Variants in ADAMTSL2 observed in about 807,000 individuals in gnomAD.
ADAMTSL2 encodes ADAMTS-like protein 2.
A neutral mutation model predicts 117.0 loss-of-function variants in ADAMTSL2; 55 were observed. That is an observed-to-expected ratio of 0.47 (90% CI 0.38 to 0.59). ADAMTSL2 has a LOEUF of 0.59. Ranked by LOEUF, ADAMTSL2 falls within the 20% of genes least tolerant of loss-of-function variation. The pLI is 0.00. For synonymous variants in ADAMTSL2, 572 were observed against 566.4 expected (o/e 1.01, Z -0.14); for missense variants, 1,182 against 1,354.5 (o/e 0.87, Z 2.00).
intron 7 of ADAMTSL2, 86 bp downstream of exon 7, chr9:133,541,087 T>C: frequency 6.5e-7 from 1 of 1,542,610 alleles, no homozygotes; most frequent in Non-Finnish European, 8.8e-7. Context: ...CAGCCTCCTG[T>C]GTACCACTGG....
Position 133,547,198 on chromosome 9 carries a change from G to A in ADAMTSL2, c.924G>A (p.Gln308=). ...EYIVAQGPTN[Q]GLNVMVWNQN... ...TCGTGGCACAGGGGCCCACCAACCA[G>A]GGCCTGAATGTCATGGTACGTGTGC... is the stretch of plus-strand genomic sequence containing the variant. The change falls in exon 9 of 19, where the codon CAG becomes CAA. Residue 308 remains glutamine, a synonymous_variant. Coordinates refer to ENST00000651351, the MANE Select transcript of ADAMTSL2 (RefSeq NM_014694.4). 1 of 1,613,554 alleles carries A rather than the reference G, an allele frequency of 6.2e-7. No homozygotes were observed. Among genetic ancestry groups the A allele is most frequent in the Non-Finnish European group, 8.5e-7 (1 of 1,179,620 alleles).
At chr9:133,535,994 C>A (rs548823543) in intron 1 of ADAMTSL2, among the ~76,000 whole-genome samples, 8 of 152,328 alleles carry the variant, frequency 5.3e-5, no homozygotes, top group African/African-American at 1.9e-4. Context: ...GACATGCTGG[C>A]ACAAACTGCA....
rs1265624598 is a variant in ADAMTSL2, at chr9:133,540,662, G to T, written c.477G>T (p.Arg159=). 6.2e-7 allele frequency: 1 copy of T among 1,613,760 alleles called. No homozygotes were observed. Among genetic ancestry groups the T allele is most frequent in the Non-Finnish European group, 8.5e-7 (1 of 1,180,044 alleles). The stretch of plus-strand genomic sequence containing the variant: ...ACTGTACCACCGTGGACGGCCAGCG[G>T]CAGCTCATGGTCCCCGCCCGCGACG... The part of the protein sequence containing the change: ...DLHCTTVDGQ[R]QLMVPARDGT... The change falls in exon 6 of 19, where the codon CGG becomes CGT. Residue 159 remains arginine (R), a synonymous_variant. Coordinates refer to ENST00000651351, the MANE Select transcript of ADAMTSL2 (RefSeq NM_014694.4).
upstream of ADAMTSL2, chr9:133,534,591 A>C: frequency 8.5e-7 from 1 of 1,174,438 alleles, no homozygotes; most frequent in South Asian, 3.0e-5. Flanking sequence ...AGAGCGGGTT[A>C]AAGTGTGCGC....
In ADAMTSL2 at chr9:133,540,996, A is replaced by T. The variant is rs759743302; in HGVS notation, c.677A>T (p.His226Leu). Reference protein sequence around the residue: ...VTGNYRKGNAHLGYSLVTHIP... With the variant: ...VTGNYRKGNALLGYSLVTHIP... ...GGCAACTATCGCAAGGGGAATGCCCACCTTGGTAAGCCACAGCGCGCCCTG... is the reference window on the plus strand; with the variant it reads ...GGCAACTATCGCAAGGGGAATGCCCTCCTTGGTAAGCCACAGCGCGCCCTG... The change falls in exon 7 of 19, where the codon CAC becomes CTC. Residue 226 changes from histidine (H) to leucine (L), a missense_variant. By Grantham distance (99) the His-to-Leu change is moderately conservative. This residue lies in a region of ADAMTSL2 where 372 missense variants were observed against 463.4 expected (regional missense o/e 0.80). Coordinates refer to ENST00000651351, the MANE Select transcript of ADAMTSL2 (RefSeq NM_014694.4). 6.2e-7 allele frequency: 1 copy of T among 1,613,130 alleles called. No individual in the cohort carries two copies. Among genetic ancestry groups the T allele is most frequent in the South Asian group, 1.1e-5 (1 of 91,054 alleles).
chr9:133,538,885 C>T (rs146874271), intron 4 of ADAMTSL2, among the ~76,000 whole-genome samples: 9 of 152,266 alleles, frequency 5.9e-5, no homozygotes, highest in South Asian at 2.1e-4. Context: ...CTTGGGTAGC[C>T]GAGGCTGAAG....
chr9:133,549,528 C>T (rs1369478922), intron 9 of ADAMTSL2, among the ~76,000 whole-genome samples: 1 of 141,370 alleles, frequency 7.1e-6, no homozygotes, highest in East Asian at 2.0e-4. Context: ...GGTCAAACAA[C>T]GCCTTTCCTA....
At chr9:133,540,513 G>C in intron 5 of ADAMTSL2, 85 bp from the exon 6 acceptor site, 1 of 1,544,240 alleles carries the variant, frequency 6.5e-7, no homozygotes, top group Non-Finnish European at 8.8e-7. Context: ...AATGGGAGCT[G>C]TCTCAGAGGG....
chr9:133,539,685 T>TGTCCCGGCTGTCCCGGCG, intron 4 of ADAMTSL2, 86 bp from the exon 5 acceptor site: 1 of 1,344,020 alleles, frequency 7.4e-7, no homozygotes, highest in Non-Finnish European at 1.0e-6. Context: ...CTGTCCCGGC[T>TGTCCCGGCTGTCCCGGCG]GCAGCCACTT....
chr9:133,569,473 G>T lies in ADAMTSL2; in HGVS notation c.2310G>T (p.Arg770=). ...TGTACTGCAAGACCAGCGACGGACG[G>T]GTAGTACCTGAGTCCCAGTGCCAGA... ...RHVYCKTSDG[R]VVPESQCQME... Residue 770 remains arginine (R), a synonymous_variant, in exon 16 of 19, where the codon CGG becomes CGT. Coordinates refer to ENST00000651351, the MANE Select transcript of ADAMTSL2 (RefSeq NM_014694.4). 6.8e-6 allele frequency: 11 copies of T among 1,613,606 alleles called. No homozygotes were observed. Among genetic ancestry groups the T allele is most frequent in the Non-Finnish European group, 9.3e-6 (11 of 1,179,990 alleles).
In ADAMTSL2 at chr9:133,555,643, G is replaced by A. The variant is rs1223182744; in HGVS notation, c.1362G>A (p.Ser454=). The A allele has an allele frequency of 1.4e-5, 22 of 1,613,666 alleles. No homozygotes were observed. The highest frequency in any genetic ancestry group is 7.7e-5 in the South Asian group (7 of 91,090). The change falls in exon 11 of 19, where the codon TCG becomes TCA. Residue 454 remains serine (S), a synonymous_variant. Coordinates refer to ENST00000651351, the MANE Select transcript of ADAMTSL2 (RefSeq NM_014694.4). ...DTHFASQEFF[S]ANAISDQLLG... Reference sequence around the variant, plus strand: ...ACTTCGCCTCCCAGGAGTTCTTCTCGGCTAACGCCATCTCTGACCAGCTGC... The same window carrying A: ...ACTTCGCCTCCCAGGAGTTCTTCTCAGCTAACGCCATCTCTGACCAGCTGC...
intron 8 of ADAMTSL2, among the ~76,000 whole-genome samples, chr9:133,545,227 C>T (rs1409888968): frequency 2.0e-5 from 3 of 152,170 alleles, no homozygotes; most frequent in African/African-American, 7.2e-5. Flanking sequence ...CAGGTGCTGA[C>T]ACCTGTGAGC....
chr9:133,569,299 C>G, intron 15 of ADAMTSL2, 109 bp from the exon 16 acceptor site: 2 of 1,166,948 alleles, frequency 1.7e-6, no homozygotes, highest in Non-Finnish European at 2.5e-6. Flanking sequence ...ATGGCAACCG[C>G]TTCGACACTG....
chr9:133,537,860 G>C (rs1830091269), intron 3 of ADAMTSL2, among the ~76,000 whole-genome samples: 1 of 152,228 alleles, frequency 6.6e-6, no homozygotes, highest in Non-Finnish European at 1.5e-5. Context: ...CCTGAGTGAG[G>C]GTCTTTAGAA....
At chr9:133,536,436 A>G in intron 1 of ADAMTSL2, 127 bp from the exon 2 acceptor site, 1 of 1,339,538 alleles carries the variant, frequency 7.5e-7, no homozygotes, top group Non-Finnish European at 1.0e-6. Context: ...CCTTGGATCA[A>G]GGGTGGCACA....
chr9:133,568,339 G>A lies in ADAMTSL2; in HGVS notation c.1941G>A (p.Val647=). Residue 647 remains valine (V), a synonymous_variant, in exon 14 of 19, where the codon GTG becomes GTA. Transcript: ENST00000651351. ...TCGEGYQFRV[V]RCWKMLSPGF... Reference sequence around the variant, plus strand: ...GAGAGGGCTACCAGTTCCGCGTCGTGCGCTGCTGGAAGATGCTCTCGCCCG... The same window carrying A: ...GAGAGGGCTACCAGTTCCGCGTCGTACGCTGCTGGAAGATGCTCTCGCCCG... 1 of 1,588,904 alleles carries A rather than the reference G, an allele frequency of 6.3e-7. No individual in the cohort carries two copies. The highest frequency in any genetic ancestry group is 8.6e-7 in the Non-Finnish European group (1 of 1,168,496).
At chr9:133,546,907 A>G in intron 8 of ADAMTSL2, 131 bp from the exon 9 acceptor site, 1 of 919,770 alleles carries the variant, frequency 1.1e-6, no homozygotes. Flanking sequence ...CCATGATGGG[A>G]GTTTCCTGTC....
At chr9:133,563,799 G>A (rs964551367) in intron 12 of ADAMTSL2, among the ~76,000 whole-genome samples, 1 of 142,440 alleles carries the variant, frequency 7.0e-6, no homozygotes, top group African/African-American at 2.6e-5. Flanking sequence ...GAGAGACAGA[G>A]AGAGAGAGAG....
At chr9:133,562,010 A>C (rs1830740420) in intron 12 of ADAMTSL2, among the ~76,000 whole-genome samples, 1 of 152,228 alleles carries the variant, frequency 6.6e-6, no homozygotes, top group African/African-American at 2.4e-5. Context: ...GGGAGACCCC[A>C]GTGCCGGCTG....
Sources: gnomAD v4.1 joint callset for allele counts (sites outside exome capture counted in the v4.1 genomes callset) on GRCh38, gnomAD v4.1.1 for gene constraint, gnomAD v4.1.1 regional missense constraint, MANE v1.5 for transcripts, NCBI Gene and HGNC (gene_info 2026-07-23, HGNC 2026-07-21) for gene names.